DLGAP2: variants seen among roughly 807,000 people sequenced by gnomAD.
DLGAP2 encodes the protein disks large-associated protein 2.
In DLGAP2, 26 loss-of-function variants were observed where a neutral mutation model predicts 100.3. The observed-to-expected ratio is 0.26, with a 90% confidence interval of 0.19 to 0.36. DLGAP2 has a LOEUF of 0.36. Ranked by LOEUF, DLGAP2 falls within the 10% of genes least tolerant of loss-of-function variation. The pLI is 1.00. For missense variants in DLGAP2, 1,858 were observed against 1,453.2 expected (o/e 1.28, Z -4.53); for synonymous variants, 886 against 630.1 (o/e 1.41, Z -6.08).
intron 4 of DLGAP2, among the ~76,000 whole-genome samples, chr8:1,522,632 C>A (rs1800646300): frequency 6.6e-6 from 1 of 152,174 alleles, no homozygotes; most frequent in African/African-American, 2.4e-5. Context: ...TAAGGGGACG[C>A]CTGTAAAGTC....
intron 2 of DLGAP2, among the ~76,000 whole-genome samples, chr8:1,174,261 T>TCACCACCATCAC (rs1226072381): frequency 6.6e-6 from 1 of 152,024 alleles, no homozygotes; most frequent in African/African-American, 2.4e-5. Flanking sequence ...CACATACCCA[T>TCACCACCATCAC]CACCACCATC....
chr8:1,521,974 G>C (rs537823616), intron 4 of DLGAP2, among the ~76,000 whole-genome samples: 1 of 148,110 alleles, frequency 6.8e-6, no homozygotes, highest in African/African-American at 2.5e-5. Context: ...GATATGGGGC[G>C]TCTCTGGTTT....
chr8:907,824 A>T (rs1798411149), intron 1 of DLGAP2, 88 bp from the exon 2 acceptor site: 1 of 397,268 alleles, frequency 2.5e-6, no homozygotes, highest in East Asian at 3.6e-5. Context: ...GAACTACCTT[A>T]TTAGAAGAAA....
intron 4 of DLGAP2, among the ~76,000 whole-genome samples, chr8:1,518,962 C>T (rs187508384): frequency 1.3e-5 from 2 of 152,250 alleles, no homozygotes; most frequent in East Asian, 3.9e-4. Context: ...CTTGGAGGGT[C>T]CTGTCCATCC....
Position 934,495 on chromosome 8 carries a change from G to C in DLGAP2, c.73+26529G>C, listed in dbSNP as rs114659161. On this transcript the variant is annotated intron_variant, in intron 2 of 14. Coordinates refer to ENST00000637795, the MANE Select transcript of DLGAP2 (RefSeq NM_001346810.2). ...CCTGCTTGAAACAGGCCACCTCTTCGATTCTTGCCTTGGTTTCTGCCCATC... is the reference window on the plus strand; with the variant it reads ...CCTGCTTGAAACAGGCCACCTCTTCCATTCTTGCCTTGGTTTCTGCCCATC... Among the ~76,000 whole-genome samples, 1,153 of 152,272 alleles carry C rather than the reference G, an allele frequency of 7.6e-3. 13 individuals are homozygous for C. The highest frequency in any genetic ancestry group is 0.026 in the African/African-American group (1,089 of 41,542).
intron 3 of DLGAP2, among the ~76,000 whole-genome samples, chr8:1,476,261 C>A (rs1456301356): frequency 6.6e-6 from 1 of 152,188 alleles, no homozygotes; most frequent in Admixed American, 6.5e-5. Context: ...GAAGTGTCAT[C>A]TGAATGATAT....
At chr8:791,137 A>G (rs150826596) in intron 1 of DLGAP2, among the ~76,000 whole-genome samples, 100 of 152,378 alleles carry the variant, frequency 6.6e-4, no homozygotes, top group African/African-American at 2.4e-3. Flanking sequence ...TTTTAAAAAT[A>G]ATGCAAGCAC....
chr8:804,613 C>G (rs1181206138), intron 1 of DLGAP2, among the ~76,000 whole-genome samples: 1 of 152,164 alleles, frequency 6.6e-6, no homozygotes, highest in Non-Finnish European at 1.5e-5. Flanking sequence ...TGTACTTTAC[C>G]AGAAAAGTTC....
In DLGAP2 at chr8:869,891, G is replaced by A. The variant is rs76583591; in HGVS notation, c.19-38021G>A. 9.6e-3 allele frequency among the ~76,000 whole-genome samples: 1,468 copies of A among 152,180 alleles called. 23 individuals are homozygous for A. The highest frequency in any genetic ancestry group is 0.033 in the African/African-American group (1,389 of 41,538). ...CAGGAAAGGACACATTCTGAGCAGC[G>A]GGACTCTGCTCTGGAAAGAGGACTA... On this transcript the variant is annotated intron_variant, in intron 1 of 14. Transcript: ENST00000637795.
intron 3 of DLGAP2, among the ~76,000 whole-genome samples, chr8:1,326,071 G>C (rs948751219): frequency 6.6e-6 from 1 of 152,174 alleles, no homozygotes; most frequent in Non-Finnish European, 1.5e-5. Context: ...ATGGCCATAA[G>C]TGGACTCAAC....
Position 1,562,999 on chromosome 8 carries a change from G to A in DLGAP2, c.1231-2684G>A, listed in dbSNP as rs564718614. Among the ~76,000 whole-genome samples the A allele has an allele frequency of 3.6e-3, 214 of 58,886 alleles. 3 individuals carry two copies. Among genetic ancestry groups the A allele is most frequent in the Non-Finnish European group, 6.0e-3 (187 of 31,406 alleles). The allele number at this position is 58,886 out of a possible 152,430, so 38.6% of individuals were successfully genotyped here. The stretch of plus-strand genomic sequence containing the variant: ...GGGACTGTGTGGTGTTGGGGTGTCC[G>A]CGCCTCGTTGCTGGGGGGCTGTGTG... On this transcript the variant is annotated intron_variant, in intron 5 of 14. Transcript: ENST00000637795.
intron 1 of DLGAP2, among the ~76,000 whole-genome samples, chr8:771,621 T>C (rs57916369): frequency 0.29 from 43,547 of 152,142 alleles, 6,671 homozygotes; most frequent in Admixed American, 0.46. Context: ...TAGTTAAGAG[T>C]AATGGTCACG....
chr8:1,542,202 A>G (rs1337476154), intron 4 of DLGAP2, among the ~76,000 whole-genome samples: 1 of 152,228 alleles, frequency 6.6e-6, no homozygotes, highest in Non-Finnish European at 1.5e-5. Context: ...GTTTCTGTGT[A>G]TGTCTTCCTT....
At chr8:1,154,209 T>G (rs1209330872) in intron 2 of DLGAP2, among the ~76,000 whole-genome samples, 1 of 152,026 alleles carries the variant, frequency 6.6e-6, no homozygotes, top group Non-Finnish European at 1.5e-5. Context: ...CACTACGGCG[T>G]CGTCCAAGCA....
At chr8:1,268,167 C>G (rs1487963983) in intron 3 of DLGAP2, among the ~76,000 whole-genome samples, 1 of 152,120 alleles carries the variant, frequency 6.6e-6, no homozygotes, top group African/African-American at 2.4e-5. Flanking sequence ...TTCAGGTATT[C>G]TGGCATTGAA....
chr8:809,945 T>A (rs1036823383), intron 1 of DLGAP2, among the ~76,000 whole-genome samples: 1 of 152,246 alleles, frequency 6.6e-6, no homozygotes, highest in African/African-American at 2.4e-5. Context: ...TGGTTGGCGA[T>A]GTCTTGGAGA....
chr8:1,206,484 G>A (rs36160903), intron 2 of DLGAP2, among the ~76,000 whole-genome samples: 52 of 64,002 alleles, frequency 8.1e-4, no homozygotes, highest in Middle Eastern at 0.014. Context: ...CCAGCCATCC[G>A]TGGGCGGGGG....
intron 14 of DLGAP2, among the ~76,000 whole-genome samples, chr8:1,698,189 G>T (rs115512581): frequency 5.7e-4 from 87 of 152,306 alleles, no homozygotes; most frequent in African/African-American, 1.9e-3. Flanking sequence ...TGGATCCACA[G>T]GTTCCCTCTC....
intron 1 of DLGAP2, chr8:891,139 C>CCCT (rs1418789186): frequency 6.6e-6 from 1 of 152,356 alleles, no homozygotes; most frequent in Non-Finnish European, 1.5e-5. Context: ...ACCCCCCCCC[C>CCCT]AGTTGCCAAG....
Sources: allele counts gnomAD v4.1 joint callset (sites outside exome capture counted in the v4.1 genomes callset), GRCh38; gene constraint gnomAD v4.1.1; transcripts MANE v1.5; gene names NCBI Gene and HGNC (gene_info 2026-07-23, HGNC 2026-07-21).